Variants in CADM2 observed in about 807,000 individuals in gnomAD.
CADM2 encodes immunoglobulin superfamily member 4D.
A neutral mutation model predicts 49.8 loss-of-function variants in CADM2; 12 were observed. The ratio of observed to expected loss-of-function variants is 0.24; its 90% CI spans 0.15 to 0.39. The LOEUF (loss-of-function observed/expected upper bound fraction) is 0.39. Among genes scored for constraint, CADM2 ranks in the 10% least tolerant of loss-of-function variants. The probability of loss-of-function intolerance (pLI) is 1.00; values close to 1 mark genes in which losing one functional copy is unlikely to be tolerated. For missense variants in CADM2, 378 were observed against 492.3 expected (o/e 0.77, Z 2.20); for synonymous variants, 214 against 175.4 (o/e 1.22, Z -1.74).
intron 1 of CADM2, among the ~76,000 whole-genome samples, chr3:85,317,214 G>C (rs1339640934): frequency 3.3e-5 from 5 of 152,098 alleles, no homozygotes; most frequent in African/African-American, 1.2e-4. Context: ...ATTAAGCATG[G>C]ATGTTGTTCT....
At chr3:85,055,272 G>T (rs1341034045) in intron 1 of CADM2, among the ~76,000 whole-genome samples, 9 of 151,968 alleles carry the variant, frequency 5.9e-5, no homozygotes, top group Non-Finnish European at 8.8e-5. Context: ...CCACATGTTA[G>T]GGCTTAATCA....
chr3:86,003,102 A>G (rs1235517458), intron 8 of CADM2, among the ~76,000 whole-genome samples: 1 of 152,190 alleles, frequency 6.6e-6, no homozygotes, highest in Non-Finnish European at 1.5e-5. Flanking sequence ...CCTCCTTAAC[A>G]GAGACCAGGT....
At chr3:85,147,464 T>G (rs1229588098) in intron 1 of CADM2, among the ~76,000 whole-genome samples, 1 of 151,994 alleles carries the variant, frequency 6.6e-6, no homozygotes, top group Non-Finnish European at 1.5e-5. Flanking sequence ...AATCAAATAA[T>G]ATATGTGATT....
chr3:85,395,846 C>G (rs1402561174), intron 1 of CADM2, among the ~76,000 whole-genome samples: 2 of 151,054 alleles, frequency 1.3e-5, no homozygotes, highest in African/African-American at 4.8e-5. Flanking sequence ...TTGTATGCAA[C>G]TTTAAAAATC....
intron 3 of CADM2, among the ~76,000 whole-genome samples, chr3:85,811,526 G>T (rs141158511): frequency 2.6e-5 from 4 of 152,166 alleles, no homozygotes; most frequent in African/African-American, 7.2e-5. Context: ...CCTATTTCAT[G>T]TTGAATAGAG....
intron 1 of CADM2, among the ~76,000 whole-genome samples, chr3:85,644,649 C>G (rs2064830962): frequency 6.6e-6 from 1 of 152,140 alleles, no homozygotes; most frequent in Non-Finnish European, 1.5e-5. Flanking sequence ...CTAGATTTCA[C>G]TCTCATGGAA....
intron 1 of CADM2, among the ~76,000 whole-genome samples, chr3:85,704,068 A>G (rs903863238): frequency 1.3e-5 from 2 of 152,170 alleles, no homozygotes; most frequent in African/African-American, 4.8e-5. Flanking sequence ...CCACTCATCA[A>G]AACTGCACCT....
In CADM2 at chr3:85,682,093, A is replaced by G. The variant is rs531708643; in HGVS notation, c.62-44429A>G. 3.9e-5 allele frequency among the ~76,000 whole-genome samples: 6 copies of G among 152,286 alleles called. No homozygotes were observed. The East Asian group carries it at 9.6e-4, about 24-fold the overall frequency. ...GAGTGACACAAATAGACAGGCTGAC[A>G]ACAGATTTATTACCTAAAGCTCAGC... is the stretch of plus-strand genomic sequence containing the variant. On this transcript the variant is annotated intron_variant, in intron 1 of 9. Coordinates refer to ENST00000383699, the MANE Select transcript of CADM2 (RefSeq NM_001167675.2).
Position 85,462,849 on chromosome 3 carries a change from G to A in CADM2, c.62-263673G>A, listed in dbSNP as rs931963492. ...TGCATAACTACTTTGTATTTTGAAA[G>A]TAATGTACCAATAGACCACATTACT... On this transcript the variant is annotated intron_variant, in intron 1 of 9. Coordinates refer to ENST00000383699, the MANE Select transcript of CADM2 (RefSeq NM_001167675.2). 2.6e-5 allele frequency among the ~76,000 whole-genome samples: 4 copies of A among 152,136 alleles called. No individual in the cohort carries two copies. The South Asian group carries it at 6.2e-4, about 24-fold the overall frequency.
At chr3:85,925,951 C>T (rs937446210) in intron 6 of CADM2, among the ~76,000 whole-genome samples, 2 of 151,908 alleles carry the variant, frequency 1.3e-5, no homozygotes, top group Non-Finnish European at 2.9e-5. Flanking sequence ...TCCTGGCTAA[C>T]ACGGTGAAAC....
At chr3:85,102,367 A>G (rs1343874353) in intron 1 of CADM2, among the ~76,000 whole-genome samples, 1 of 152,206 alleles carries the variant, frequency 6.6e-6, no homozygotes, top group Non-Finnish European at 1.5e-5. Flanking sequence ...TACATAGTTA[A>G]AACATTTGAT....
chr3:85,180,055 A>C (rs1430053554), intron 1 of CADM2, among the ~76,000 whole-genome samples: 1 of 152,096 alleles, frequency 6.6e-6, no homozygotes, highest in African/African-American at 2.4e-5. Flanking sequence ...TATTGATATT[A>C]TGTTATATAA....
intron 1 of CADM2, among the ~76,000 whole-genome samples, chr3:84,963,658 A>G (rs762646606): frequency 2.0e-4 from 30 of 152,198 alleles, no homozygotes; most frequent in Non-Finnish European, 3.5e-4. Context: ...TTTAATTTGA[A>G]TATACATTCA....
At position 84,984,657 on chromosome 3, in the gene CADM2, A is replaced by G. The variant is rs191320072; in HGVS notation, c.61+24989A>G. Among the ~76,000 whole-genome samples, 4 of 152,092 alleles carry G rather than the reference A, an allele frequency of 2.6e-5. No individual in the cohort carries two copies. The East Asian group carries it at 7.7e-4, about 29-fold the overall frequency. On this transcript the variant is annotated intron_variant, in intron 1 of 9. Transcript: ENST00000383699. ...CCTTCTATGAAAAGCTCTCTACAGG[A>G]CCACTCTTTTCAATACTAATTAAAG...
intron 5 of CADM2, among the ~76,000 whole-genome samples, chr3:85,893,007 G>T (rs1056069325): frequency 6.6e-6 from 1 of 152,174 alleles, no homozygotes; most frequent in African/African-American, 2.4e-5. Flanking sequence ...GTCTCAGAGG[G>T]AGATGAGAAA....
chr3:85,837,476 G>T (rs1178571694), intron 3 of CADM2, among the ~76,000 whole-genome samples: 1 of 151,620 alleles, frequency 6.6e-6, no homozygotes, highest in African/African-American at 2.4e-5. Flanking sequence ...ATCATGGTGG[G>T]TTTAACCTGT....
At chr3:85,040,231 A>G (rs551626968) in intron 1 of CADM2, among the ~76,000 whole-genome samples, 5 of 152,200 alleles carry the variant, frequency 3.3e-5, no homozygotes, top group Non-Finnish European at 5.9e-5. Flanking sequence ...AGAAACTGAA[A>G]TCACTAAACC....
intron 1 of CADM2, among the ~76,000 whole-genome samples, chr3:85,414,436 C>G (rs933871138): frequency 6.6e-6 from 1 of 152,132 alleles, no homozygotes; most frequent in Non-Finnish European, 1.5e-5. Context: ...GTAGTTTTGA[C>G]ATGCACAGTA....
intron 1 of CADM2, among the ~76,000 whole-genome samples, chr3:85,093,089 C>T (rs2037659277): frequency 6.6e-6 from 1 of 152,120 alleles, no homozygotes; most frequent in South Asian, 2.1e-4. Flanking sequence ...TACAGATGTC[C>T]TCGGACAAAA....
Sources: allele counts gnomAD v4.1 joint callset (sites outside exome capture counted in the v4.1 genomes callset), GRCh38; gene constraint gnomAD v4.1.1; transcripts MANE v1.5; gene names NCBI Gene and HGNC (gene_info 2026-07-23, HGNC 2026-07-21).